Variants in EVC2 observed in about 807,000 individuals in gnomAD.
The protein encoded by EVC2 is EvC ciliary complex subunit 2.
Under a neutral mutation model 149.3 loss-of-function variants are expected in EVC2, and 148 were observed. The observed-to-expected ratio is 0.99, with a 90% CI of 0.87 to 1.14. The LOEUF is 1.14. EVC2 is among the 50% of genes most tolerant of loss of function. The probability of loss-of-function intolerance (pLI) is 0.00; values close to 1 mark genes in which losing one functional copy is unlikely to be tolerated. For synonymous variants in EVC2, 776 were observed against 649.9 expected, an observed-to-expected ratio of 1.19 and a Z score of -2.95; for missense variants, 1,854 against 1,627.3, an observed-to-expected ratio of 1.14 and a Z score of -2.40.
At chr4:5,698,678 T>C (rs1560236863) in intron 1 of EVC2, among the ~76,000 whole-genome samples, 1 of 152,204 alleles carries the variant, frequency 6.6e-6, no homozygotes, top group African/African-American at 2.4e-5. Flanking sequence ...GTAGTCCCTA[T>C]AGAAATGCAT....
At chr4:5,556,179 C>CAAAAAAAAAAAAAAAAAAAAAAAA (rs61024761) in intron 21 of EVC2, among the ~76,000 whole-genome samples, 1 of 65,022 alleles carries the variant, frequency 1.5e-5, no homozygotes, top group Non-Finnish European at 2.5e-5. Flanking sequence ...GACTCCGTCT[C>CAAAAAAAAAAAAAAAAAAAAAAAA]AAAAAAAAAA....
chr4:5,694,152 G>A (rs1162702239), intron 3 of EVC2, among the ~76,000 whole-genome samples, 183 bp downstream of exon 3: 1 of 152,186 alleles, frequency 6.6e-6, no homozygotes, highest in Non-Finnish European at 1.5e-5. Context: ...TGTATGTTGT[G>A]TAGCAGAAAT....
the EVC2 span, among the ~76,000 whole-genome samples, chr4:5,537,026 C>T: frequency 6.6e-6 from 1 of 152,158 alleles, no homozygotes. Context: ...TATCTTCCCA[C>T]TTGGAAAATA....
chr4:5,698,200 G>A (rs916219298), intron 1 of EVC2, among the ~76,000 whole-genome samples: 3 of 152,288 alleles, frequency 2.0e-5, no homozygotes, highest in East Asian at 3.9e-4. Flanking sequence ...AAGGGAGGCC[G>A]CACCATGTGA....
At chr4:5,680,122 T>A (rs1206331583) in intron 7 of EVC2, among the ~76,000 whole-genome samples, 1 of 152,204 alleles carries the variant, frequency 6.6e-6, no homozygotes, top group Non-Finnish European at 1.5e-5. Context: ...TCTCCTAGGA[T>A]AACAATGCCT....
chr4:5,587,248 C>T (rs750007447), intron 16 of EVC2, among the ~76,000 whole-genome samples: 5 of 152,172 alleles, frequency 3.3e-5, no homozygotes, highest in Non-Finnish European at 7.3e-5. Flanking sequence ...AAACCCCACA[C>T]CTCTTAAGCA....
intron 16 of EVC2, among the ~76,000 whole-genome samples, chr4:5,596,046 C>T (rs1447629232): frequency 6.6e-6 from 1 of 152,196 alleles, no homozygotes; most frequent in Non-Finnish European, 1.5e-5. Context: ...GCACCCAATA[C>T]TGGAGCACCC....
intron 21 of EVC2, among the ~76,000 whole-genome samples, chr4:5,544,610 A>C (rs1721578728): frequency 6.6e-6 from 1 of 152,148 alleles, no homozygotes; most frequent in Non-Finnish European, 1.5e-5. Flanking sequence ...CCATAATTCA[A>C]AAAAAATGAA....
At chr4:5,537,508 G>A in the EVC2 span, among the ~76,000 whole-genome samples, 3 of 152,068 alleles carry the variant, frequency 2.0e-5, no homozygotes, top group South Asian at 6.2e-4. Context: ...TCAATAGTGG[G>A]GAATCATTAG....
rs373004013 is a variant in EVC2, at chr4:5,618,633, T to C, written c.2551A>G (p.Met851Val). ...AAGCAGCCATGGACCTCCTGCCTCATCCTGAGCAGCTCCTCTTCAGACAGG... is the reference window on the plus strand; with the variant it reads ...AAGCAGCCATGGACCTCCTGCCTCACCCTGAGCAGCTCCTCTTCAGACAGG... Reference protein sequence around the residue: ...FSLSEEELLRMRQEVHGCFAQ... With the variant: ...FSLSEEELLRVRQEVHGCFAQ... Residue 851 changes from methionine to valine, a missense_variant, in exon 15 of 22, where the codon ATG (methionine) becomes GTG (valine). Physicochemically the swap from Met to Val is conservative, Grantham distance 21. Transcript: ENST00000344408. The surrounding 1 kb of genome is among the most constrained non-coding windows in gnomAD (Gnocchi z 4.4). 3.0e-5 allele frequency: 48 copies of C among 1,612,060 alleles called. No individual in the cohort carries two copies. Among genetic ancestry groups the C allele is most frequent in the Non-Finnish European group, 3.9e-5 (46 of 1,179,226 alleles).
At chr4:5,674,822 G>C (rs1719888385) in intron 7 of EVC2, among the ~76,000 whole-genome samples, 1 of 152,204 alleles carries the variant, frequency 6.6e-6, no homozygotes, top group African/African-American at 2.4e-5. Context: ...CCCCAGCGTG[G>C]ACAATGGGCT....
rs540284409 is a variant in EVC2 at position 5,569,287 on chromosome 4, T to C, written c.3361-647A>G. Among the ~76,000 whole-genome samples, 13 of 152,220 alleles carry C rather than the reference T, an allele frequency of 8.5e-5. No individual in the cohort carries two copies. Among genetic ancestry groups the C allele is most frequent in the African/African-American group, 2.6e-4 (11 of 41,532 alleles). ...AAGGGGCAGCCCAGGGTGGCCTTTG[T>C]GGTGGTTGACAGCTCTGTGTCTTGA... On this transcript the variant is annotated intron_variant, in intron 19 of 21. Coordinates refer to ENST00000344408, the MANE Select transcript of EVC2 (RefSeq NM_147127.5). This position sits in a 1 kb window ranked among gnomAD's most constrained non-coding sequence, Gnocchi z 4.8.
chr4:5,618,724 C>G lies in EVC2; in HGVS notation c.2502-42G>C. 2 of 1,548,948 alleles carry G rather than the reference C, an allele frequency of 1.3e-6. No individual in the cohort carries two copies. Among genetic ancestry groups the G allele is most frequent in the Non-Finnish European group, 8.7e-7 (1 of 1,142,910 alleles). On this transcript the variant is annotated intron_variant, in intron 14 of 21. Coordinates refer to ENST00000344408, the MANE Select transcript of EVC2 (RefSeq NM_147127.5). This position sits in a 1 kb window ranked among gnomAD's most constrained non-coding sequence, Gnocchi z 4.4. ...AGACACACTCTTAACACAGAGAAAGCCTGGGGGCTGGGCTGGGGTGAAGAA... is the reference window on the plus strand; with the variant it reads ...AGACACACTCTTAACACAGAGAAAGGCTGGGGGCTGGGCTGGGGTGAAGAA...
chr4:5,542,311 C>T (rs1481154537), downstream of EVC2, among the ~76,000 whole-genome samples: 2 of 152,032 alleles, frequency 1.3e-5, no homozygotes, highest in African/African-American at 4.8e-5. Context: ...AGAAATTACC[C>T]AGGCATAGTG....
In EVC2 at chr4:5,568,513, G is replaced by C; in HGVS notation, c.3488C>G (p.Thr1163Ser). 1 of 1,591,312 alleles carries C rather than the reference G, an allele frequency of 6.3e-7. No homozygotes were observed. Among genetic ancestry groups the C allele is most frequent in the Non-Finnish European group, 8.5e-7 (1 of 1,175,046 alleles). The part of the protein sequence containing the change: ...PQLLALLDSA[T>S]ERHVDHAAES... ...AGCTGCGTGGTCCACATGTCTCTCGGTGGCCGAATCCAGCAGGGCCAGCAG... is the reference window on the plus strand; with the variant it reads ...AGCTGCGTGGTCCACATGTCTCTCGCTGGCCGAATCCAGCAGGGCCAGCAG... Residue 1163 changes from threonine to serine, a missense_variant, in exon 20 of 22, where the codon ACC becomes AGC. By Grantham distance (58) the Thr-to-Ser change is moderately conservative. Transcript: ENST00000344408.
chr4:5,676,155 C>G (rs1719977533), intron 7 of EVC2, among the ~76,000 whole-genome samples: 1 of 152,132 alleles, frequency 6.6e-6, no homozygotes, highest in South Asian at 2.1e-4. Context: ...CATCTGAGAC[C>G]TGCACTCAAT....
intron 6 of EVC2, among the ~76,000 whole-genome samples, chr4:5,683,817 A>AACAC (rs551652476): frequency 7.6e-6 from 1 of 131,702 alleles, no homozygotes; most frequent in East Asian, 2.0e-4. Flanking sequence ...GCTGGCCAGG[A>AACAC]ACACACACAG....
chr4:5,632,104 T>C (rs539442849), intron 10 of EVC2, 72 bp from the exon 11 acceptor site: 4 of 1,589,260 alleles, frequency 2.5e-6, no homozygotes, highest in African/African-American at 1.3e-5. Flanking sequence ...TGCAATGCAA[T>C]GTGTACAGGC....
At chr4:5,634,324 CCT>C (rs1346132148) in intron 10 of EVC2, among the ~76,000 whole-genome samples, 1 of 152,154 alleles carries the variant, frequency 6.6e-6, no homozygotes, top group Non-Finnish European at 1.5e-5. Flanking sequence ...GTGTCAGGAC[CCT>C]GAGTCTGGGC....
Sources: gnomAD v4.1 joint callset for allele counts (sites outside exome capture counted in the v4.1 genomes callset) on GRCh38, gnomAD v4.1.1 for gene constraint, Gnocchi (gnomAD v3.1) non-coding constraint, MANE v1.5 for transcripts, NCBI Gene and HGNC (gene_info 2026-07-23, HGNC 2026-07-21) for gene names.